KCTD1: variants seen among roughly 807,000 people sequenced by gnomAD.
The protein encoded by KCTD1 is BTB/POZ domain-containing protein KCTD1.
Under a neutral mutation model 66.0 loss-of-function variants are expected in KCTD1, and 24 were observed. The ratio of observed to expected loss-of-function variants is 0.36; its 90% CI spans 0.26 to 0.51. The LOEUF is 0.51. Ranked by LOEUF, KCTD1 falls within the 20% of genes least tolerant of loss-of-function variation. The probability of loss-of-function intolerance (pLI) is 0.95; values close to 1 mark genes in which losing one functional copy is unlikely to be tolerated. For missense variants in KCTD1, 943 were observed against 1,205.2 expected (o/e 0.78, Z 3.22); for synonymous variants, 511 against 517.2 (o/e 0.99, Z 0.16).
rs997139793 is a variant in KCTD1, at chr18:26,513,206, G to A, written c.1810-11956C>T. Among the ~76,000 whole-genome samples, 4 of 150,860 alleles carry A rather than the reference G, an allele frequency of 2.7e-5. No homozygotes were observed. The South Asian group carries it at 8.4e-4, about 32-fold the overall frequency. ...GGGTTCACGCCATTCTCCTGCCTCA[G>A]CCTCCCGAGTAGCTGGGACTACAGG... On this transcript the variant is annotated intron_variant, in intron 1 of 4. Transcript: ENST00000580059.
intron 2 of KCTD1, among the ~76,000 whole-genome samples, chr18:26,491,205 T>A (rs1982183648): frequency 6.6e-6 from 1 of 152,160 alleles, no homozygotes; most frequent in African/African-American, 2.4e-5. Context: ...TTTTGGGGTC[T>A]ACTGTTCCAG....
intron 1 of KCTD1, among the ~76,000 whole-genome samples, chr18:26,519,655 C>G (rs932507752): frequency 6.6e-6 from 1 of 152,294 alleles, no homozygotes; most frequent in Middle Eastern, 3.4e-3. Flanking sequence ...TACTTGATAT[C>G]CTGTTTCATG....
At chr18:26,618,276 G>A (rs1030883258) in intron 1 of KCTD1, among the ~76,000 whole-genome samples, 3 of 152,174 alleles carry the variant, frequency 2.0e-5, no homozygotes, top group Admixed American at 1.3e-4. Flanking sequence ...AAGTGTGAGG[G>A]TTCAAAAGAA....
chr18:26,555,189 G>T (rs1423026202), intron 1 of KCTD1, among the ~76,000 whole-genome samples: 1 of 152,182 alleles, frequency 6.6e-6, no homozygotes, highest in East Asian at 1.9e-4. Context: ...GAAACGATTT[G>T]CTGTTATTTC....
At chr18:26,508,577 T>G (rs1983167739) in intron 1 of KCTD1, among the ~76,000 whole-genome samples, 2 of 152,330 alleles carry the variant, frequency 1.3e-5, no homozygotes, top group Middle Eastern at 3.4e-3. Context: ...TAGTGATACC[T>G]CCAGAAAAGC....
chr18:26,535,327 C>G (rs1984646902), intron 1 of KCTD1, among the ~76,000 whole-genome samples: 1 of 152,158 alleles, frequency 6.6e-6, no homozygotes, highest in African/African-American at 2.4e-5. Context: ...GGGAGCAAGT[C>G]TTCAACTGCC....
At chr18:26,608,989 T>G (rs1291562879) in intron 1 of KCTD1, among the ~76,000 whole-genome samples, 1 of 152,238 alleles carries the variant, frequency 6.6e-6, no homozygotes. Context: ...TTATGATGCT[T>G]GTTTTATAGA....
Position 26,590,758 on chromosome 18 carries a change from A to C in KCTD1, c.-16+38389T>G, listed in dbSNP as rs951994058. On this transcript the variant is annotated intron_variant, in intron 1 of 4. Transcript: ENST00000317932. ...GCCTATATGCATTTTTGGTATTTCTAACTCCAGAAATCTGGATGTATTATA... is the reference window on the plus strand; with the variant it reads ...GCCTATATGCATTTTTGGTATTTCTCACTCCAGAAATCTGGATGTATTATA... Among the ~76,000 whole-genome samples the C allele has an allele frequency of 2.0e-5, 3 of 152,188 alleles. No homozygotes were observed. The South Asian group carries it at 6.2e-4, about 31-fold the overall frequency.
intron 1 of KCTD1, among the ~76,000 whole-genome samples, chr18:26,609,320 C>T (rs1987084511): frequency 6.6e-6 from 1 of 152,036 alleles, no homozygotes; most frequent in Non-Finnish European, 1.5e-5. Flanking sequence ...TGCATCATGG[C>T]CTAATTCTCC....
At chr18:26,582,887 T>C (rs1385789940) in intron 1 of KCTD1, among the ~76,000 whole-genome samples, 1 of 152,086 alleles carries the variant, frequency 6.6e-6, no homozygotes, top group Admixed American at 6.5e-5. Flanking sequence ...ATAGTAGTGG[T>C]TGCCTTTGAG....
upstream of KCTD1, among the ~76,000 whole-genome samples, chr18:26,643,420 C>T (rs561453965): frequency 1.3e-4 from 20 of 152,148 alleles, no homozygotes; most frequent in South Asian, 4.2e-3. Context: ...TTGTAGGCTA[C>T]AGGAAGGGGC....
At chr18:26,542,032 T>C (rs1427347793) in intron 1 of KCTD1, among the ~76,000 whole-genome samples, 1 of 152,178 alleles carries the variant, frequency 6.6e-6, no homozygotes, top group African/African-American at 2.4e-5. Context: ...TTTAAGGGCA[T>C]AAATCCACTA....
At chr18:26,549,680 C>A, upstream of KCTD1, 2 of 977,374 alleles carry the variant, frequency 2.0e-6, no homozygotes, top group Non-Finnish European at 2.4e-6. Flanking sequence ...TCTCGGCCGA[C>A]CCTGCCGCAG....
intron 1 of KCTD1, among the ~76,000 whole-genome samples, chr18:26,649,434 G>A (rs903733600): frequency 1.3e-5 from 2 of 152,092 alleles, no homozygotes; most frequent in African/African-American, 4.8e-5. Context: ...CAGACGGCTC[G>A]GAGGTGCTGA....
chr18:26,459,465 T>G, intron 4 of KCTD1, 155 bp downstream of exon 4: 2 of 661,156 alleles, frequency 3.0e-6, no homozygotes, highest in Non-Finnish European at 5.0e-6. Flanking sequence ...ACTTACGGAA[T>G]GACTGCTATA....
At chr18:26,458,181 C>T (rs1230289691) in intron 4 of KCTD1, 1 of 152,368 alleles carries the variant, frequency 6.6e-6, no homozygotes, top group East Asian at 1.9e-4. Flanking sequence ...CCCTGCGACC[C>T]AGCAGCCAGC....
At chr18:26,475,919 T>C (rs922826326) in intron 3 of KCTD1, among the ~76,000 whole-genome samples, 9 of 152,218 alleles carry the variant, frequency 5.9e-5, no homozygotes, top group African/African-American at 2.2e-4. Flanking sequence ...TAATGAGTTC[T>C]TTATAAGTTC....
intron 1 of KCTD1, among the ~76,000 whole-genome samples, chr18:26,620,407 C>A (rs1236229695): frequency 3.8e-5 from 5 of 129,908 alleles, no homozygotes; most frequent in Non-Finnish European, 6.4e-5. Context: ...TAGTCTGACA[C>A]TTTTATGACA....
intron 1 of KCTD1, among the ~76,000 whole-genome samples, chr18:26,505,978 CA>C (rs1296173354): frequency 6.6e-6 from 1 of 151,900 alleles, no homozygotes; most frequent in Non-Finnish European, 1.5e-5. Flanking sequence ...CAGGTTCAAG[CA>C]ATTTTCATGC....
Sources: gnomAD v4.1 joint callset for allele counts (sites outside exome capture counted in the v4.1 genomes callset) on GRCh38, gnomAD v4.1.1 for gene constraint, MANE v1.5 for transcripts, NCBI Gene and HGNC (gene_info 2026-07-23, HGNC 2026-07-21) for gene names.